Variants in MGA observed in about 807,000 individuals in gnomAD.
MGA encodes MAX dimerization protein MGA.
In MGA, 40 loss-of-function variants were observed where a neutral mutation model predicts 261.1. The ratio of observed to expected loss-of-function variants is 0.15; its 90% CI spans 0.12 to 0.20. The LOEUF (loss-of-function observed/expected upper bound fraction) is 0.20, where lower values mean the gene tolerates loss of function less well. Among genes scored for constraint, MGA ranks in the 10% least tolerant of loss-of-function variants. MGA has a pLI of 1.00. For synonymous variants in MGA, 1,302 were observed against 1,290.6 expected (o/e 1.01, Z -0.19); for missense variants, 3,397 against 3,630.5 (o/e 0.94, Z 1.65).
rs548123460 is a variant in MGA at position 41,672,622 on chromosome 15, G to A, written c.1064+2664G>A. Among the ~76,000 whole-genome samples the A allele has an allele frequency of 3.9e-5, 6 of 152,348 alleles. No homozygotes were observed. The East Asian group carries it at 1.2e-3, about 29-fold the overall frequency. Reference sequence around the variant, plus strand: ...CTCCAAGAAATAGCATTATCTTTGTGTGTGAAAATGGTATTTAGCTATATG... The same window carrying A: ...CTCCAAGAAATAGCATTATCTTTGTATGTGAAAATGGTATTTAGCTATATG... On this transcript the variant is annotated intron_variant, in intron 2 of 23. Transcript: ENST00000219905.
intron 18 of MGA, among the ~76,000 whole-genome samples, chr15:41,755,838 G>A (rs952559569): frequency 2.0e-5 from 3 of 152,296 alleles, no homozygotes; most frequent in African/African-American, 7.2e-5. Flanking sequence ...GGCCAACATG[G>A]CGAAACCCTG....
chr15:41,745,576 A>C (rs1158956923), intron 15 of MGA, among the ~76,000 whole-genome samples: 1 of 151,332 alleles, frequency 6.6e-6, no homozygotes, highest in East Asian at 1.9e-4. Flanking sequence ...TTTTAATAAA[A>C]ATGTATTTTT....
At chr15:41,743,193 G>C in intron 15 of MGA, 21 bp downstream of exon 15, 2 of 1,581,350 alleles carry the variant, frequency 1.3e-6, no homozygotes, top group Non-Finnish European at 1.7e-6. Context: ...GATGTTACTA[G>C]CTGCTTTATT....
At chr15:41,675,790 T>C (rs894527108) in intron 2 of MGA, among the ~76,000 whole-genome samples, 31 of 152,154 alleles carry the variant, frequency 2.0e-4, no homozygotes, top group African/African-American at 6.8e-4. Flanking sequence ...AAAAAAATTA[T>C]AGCTGTAGAG....
intron 1 of MGA, among the ~76,000 whole-genome samples, chr15:41,631,275 G>A (rs1013984596): frequency 1.4e-4 from 21 of 152,164 alleles, no homozygotes; most frequent in South Asian, 2.1e-4. Context: ...AACGTTTCTA[G>A]TTTCAATAAG....
intron 1 of MGA, among the ~76,000 whole-genome samples, chr15:41,646,732 C>T (rs80348422): frequency 0.028 from 4,250 of 151,504 alleles, 213 homozygotes; most frequent in African/African-American, 0.099. Flanking sequence ...GGAAAAAATG[C>T]GTTTTTTGAC....
intron 10 of MGA, among the ~76,000 whole-genome samples, chr15:41,728,633 A>G (rs1049180282): frequency 2.6e-5 from 4 of 152,190 alleles, no homozygotes; most frequent in Non-Finnish European, 5.9e-5. Flanking sequence ...CTATCTTCAC[A>G]TGGAGTAGTC....
intron 10 of MGA, 70 bp from the exon 11 acceptor site, chr15:41,729,093 AT>A: frequency 7.0e-7 from 1 of 1,429,310 alleles, no homozygotes; most frequent in Non-Finnish European, 9.5e-7. Context: ...AAGATTAAAC[AT>A]TCGTTTTGTT....
At position 41,696,395 on chromosome 15, in the gene MGA, A is replaced by G. The variant is rs2059551975; in HGVS notation, c.1385A>G (p.Asp462Gly). ...GCTAAAGCTAAAATGTTCAAATTAG[A>G]CACTGGAAAGATGCCAGTAGTCTAT... Residue 462 changes from aspartate to glycine, a missense_variant, in exon 3 of 24, where the codon GAC becomes GGC. By Grantham distance (94) the Asp-to-Gly change is moderately conservative. Transcript: ENST00000219905. 2 of 1,613,866 alleles carry G rather than the reference A, an allele frequency of 1.2e-6. No homozygotes were observed. The highest frequency in any genetic ancestry group is 1.7e-6 in the Non-Finnish European group (2 of 1,179,904).
chr15:41,690,503 A>T (rs1367695650), intron 2 of MGA, among the ~76,000 whole-genome samples: 1 of 152,130 alleles, frequency 6.6e-6, no homozygotes, highest in Non-Finnish European at 1.5e-5. Context: ...AAATGTGGGC[A>T]TTTATTTCTG....
At chr15:41,652,959 T>C (rs1349055267) in intron 1 of MGA, among the ~76,000 whole-genome samples, 1 of 152,224 alleles carries the variant, frequency 6.6e-6, no homozygotes, top group Non-Finnish European at 1.5e-5. Context: ...TGAAAAATAC[T>C]GCCTCTGTAT....
In MGA at chr15:41,749,482, A is replaced by G. The variant is rs201880917; in HGVS notation, c.5875A>G (p.Ile1959Val). 178 of 1,613,994 alleles carry G rather than the reference A, an allele frequency of 1.1e-4. No individual in the cohort carries two copies. The highest frequency in any genetic ancestry group is 7.3e-5 in the Non-Finnish European group (86 of 1,179,898). ...AGGACAAAAGCCTGTTCCTAGCTCC[A>G]TTCTTCAGCATGTTGCTTCCCTTCA... The change falls in exon 17 of 24, where the codon ATT becomes GTT. Residue 1959 changes from isoleucine to valine, a missense_variant. By Grantham distance (29) the Ile-to-Val change is conservative. Transcript: ENST00000219905.
chr15:41,676,271 G>C (rs1173273487), intron 2 of MGA, among the ~76,000 whole-genome samples: 1 of 151,742 alleles, frequency 6.6e-6, no homozygotes, highest in Non-Finnish European at 1.5e-5. Flanking sequence ...CAACCTCCAT[G>C]TCCTGGGTTC....
chr15:41,741,685 G>A (rs559858712), intron 14 of MGA, among the ~76,000 whole-genome samples: 47 of 152,224 alleles, frequency 3.1e-4, no homozygotes, highest in African/African-American at 1.1e-3. Flanking sequence ...ACAGTCAAAA[G>A]AATTTTAGTA....
At chr15:41,649,644 T>G (rs1178455670) in intron 1 of MGA, among the ~76,000 whole-genome samples, 5 of 152,032 alleles carry the variant, frequency 3.3e-5, no homozygotes, top group Admixed American at 2.0e-4. Flanking sequence ...TGGGTTCTAG[T>G]CTTATTGTCA....
At chr15:41,623,075 T>A (rs1450686896) in intron 1 of MGA, among the ~76,000 whole-genome samples, 1 of 152,234 alleles carries the variant, frequency 6.6e-6, no homozygotes, top group East Asian at 1.9e-4. Flanking sequence ...TAAGTACTGT[T>A]ATCTCCGTTT....
chr15:41,634,987 A>T (rs889594723), intron 1 of MGA, among the ~76,000 whole-genome samples: 2 of 152,156 alleles, frequency 1.3e-5, no homozygotes, highest in African/African-American at 2.4e-5. Context: ...TTAGGAGATT[A>T]TTAGGATGAC....
rs376522769 is a variant in MGA, at chr15:41,670,601, G to C, written c.1064+643G>C. Among the ~76,000 whole-genome samples, 30 of 152,244 alleles carry C rather than the reference G, an allele frequency of 2.0e-4. No homozygotes were observed. In the East Asian group the frequency reaches 3.5e-3, roughly 18 times the overall value. ...GCTCACTGCAAGCTCCGCCTCCTGGGTTCACGCCATTCTCCTGCCTCAGCC... is the reference window on the plus strand; with the variant it reads ...GCTCACTGCAAGCTCCGCCTCCTGGCTTCACGCCATTCTCCTGCCTCAGCC... On this transcript the variant is annotated intron_variant, in intron 2 of 23. Transcript: ENST00000219905.
intron 22 of MGA, among the ~76,000 whole-genome samples, chr15:41,762,641 A>G (rs947452791): frequency 2.6e-5 from 4 of 151,066 alleles, no homozygotes; most frequent in Admixed American, 2.6e-4. Context: ...TTGTTTTTTT[A>G]ATTTTTTAGT....
Sources: allele counts gnomAD v4.1 joint callset (sites outside exome capture counted in the v4.1 genomes callset), GRCh38; gene constraint gnomAD v4.1.1; transcripts MANE v1.5; gene names NCBI Gene and HGNC (gene_info 2026-07-23, HGNC 2026-07-21).